The following PTPRT variants were observed in gnomAD, a reference collection of about 807,000 sequenced individuals.
PTPRT encodes protein tyrosine phosphatase receptor type T, also known as receptor-type tyrosine-protein phosphatase T.
In PTPRT, 56 loss-of-function variants were observed where a neutral mutation model predicts 176.8. The observed-to-expected ratio is 0.32, with a 90% CI of 0.26 to 0.40. The LOEUF is 0.40. Among genes scored for constraint, PTPRT ranks in the 10% least tolerant of loss-of-function variants. The probability of loss-of-function intolerance (pLI) is 1.00; values close to 1 mark genes in which losing one functional copy is unlikely to be tolerated. For synonymous variants in PTPRT, 783 were observed against 739.0 expected, an observed-to-expected ratio of 1.06 and a Z score of -0.96; for missense variants, 1,540 against 1,908.2, an observed-to-expected ratio of 0.81 and a Z score of 3.60.
intron 9 of PTPRT, among the ~76,000 whole-genome samples, chr20:42,361,952 T>G (rs2058437192): frequency 6.6e-6 from 1 of 152,228 alleles, no homozygotes; most frequent in African/African-American, 2.4e-5. Context: ...CGGCAATATT[T>G]TATTCTCTTT....
At chr20:42,428,148 C>A (rs1345466797) in intron 9 of PTPRT, among the ~76,000 whole-genome samples, 2 of 152,178 alleles carry the variant, frequency 1.3e-5, no homozygotes, top group African/African-American at 4.8e-5. Flanking sequence ...TTTGGGGAAA[C>A]ACCAACATTC....
At chr20:42,926,398 T>C (rs562623027) in intron 1 of PTPRT, among the ~76,000 whole-genome samples, 1 of 152,296 alleles carries the variant, frequency 6.6e-6, no homozygotes, top group South Asian at 2.1e-4. Context: ...AAATAATAAA[T>C]ATTTTTTTTC....
At chr20:42,239,263 T>C (rs2146872172) in intron 14 of PTPRT, among the ~76,000 whole-genome samples, 1 of 152,264 alleles carries the variant, frequency 6.6e-6, no homozygotes, top group East Asian at 1.9e-4. Flanking sequence ...ACTCATGTAT[T>C]CCTCACAGTT....
intron 2 of PTPRT, among the ~76,000 whole-genome samples, chr20:42,868,476 G>C (rs929203519): frequency 1.3e-5 from 2 of 152,212 alleles, no homozygotes; most frequent in African/African-American, 4.8e-5. Flanking sequence ...GCAAAGTGTT[G>C]AGGGTGCTAC....
intron 1 of PTPRT, among the ~76,000 whole-genome samples, chr20:43,080,186 T>C (rs1345350999): frequency 6.6e-6 from 1 of 152,198 alleles, no homozygotes; most frequent in Non-Finnish European, 1.5e-5. Context: ...GTGACATATG[T>C]CAAGTCCAAG....
chr20:42,701,789 G>A (rs1020957061), intron 6 of PTPRT, among the ~76,000 whole-genome samples: 2 of 152,020 alleles, frequency 1.3e-5, no homozygotes, highest in Admixed American at 6.5e-5. Context: ...TGCTGTCATC[G>A]TTTTCATAGT....
intron 1 of PTPRT, among the ~76,000 whole-genome samples, chr20:43,051,550 C>T (rs920598551): frequency 4.7e-5 from 7 of 148,328 alleles, no homozygotes; most frequent in African/African-American, 1.8e-4. Context: ...TAAAACTCTG[C>T]TCCAATCCAC....
intron 5 of PTPRT, among the ~76,000 whole-genome samples, chr20:42,758,997 C>G (rs568979026): frequency 1.1e-4 from 16 of 152,276 alleles, no homozygotes; most frequent in Admixed American, 7.2e-4. Context: ...TGCAATGCCC[C>G]GGAAATTCCC....
At chr20:42,197,094 T>C (rs1471308607) in intron 16 of PTPRT, among the ~76,000 whole-genome samples, 1 of 152,144 alleles carries the variant, frequency 6.6e-6, no homozygotes, top group East Asian at 1.9e-4. Context: ...TAAAAAAATG[T>C]CAAGGCTGGG....
chr20:43,106,126 G>C (rs561808108), intron 1 of PTPRT, among the ~76,000 whole-genome samples: 4 of 152,152 alleles, frequency 2.6e-5, no homozygotes, highest in African/African-American at 9.6e-5. Flanking sequence ...GGTGCAGTAG[G>C]AACAGCATGA....
chr20:42,591,414 CAG>C (rs1283382504), intron 7 of PTPRT, among the ~76,000 whole-genome samples: 1 of 152,132 alleles, frequency 6.6e-6, no homozygotes, highest in East Asian at 1.9e-4. Flanking sequence ...GGGCCTGAAA[CAG>C]AGTAGATGTT....
chr20:42,388,398 G>T (rs528309065), intron 9 of PTPRT, among the ~76,000 whole-genome samples: 18 of 152,160 alleles, frequency 1.2e-4, no homozygotes, highest in South Asian at 6.2e-4. Flanking sequence ...CTAATATCCA[G>T]AATCTACAAA....
chr20:42,986,853 A>G (rs896797466), intron 1 of PTPRT, among the ~76,000 whole-genome samples: 1 of 152,166 alleles, frequency 6.6e-6, no homozygotes, highest in African/African-American at 2.4e-5. Context: ...AGAGCTGTAC[A>G]GTGGGGGCTT....
intron 6 of PTPRT, chr20:42,688,324 A>G (rs1277985849): frequency 6.6e-6 from 1 of 152,264 alleles, no homozygotes; most frequent in Non-Finnish European, 1.5e-5. Context: ...CATGCCCCTT[A>G]CAGCTGCAGT....
At chr20:42,739,836 C>T (rs2076582264) in intron 6 of PTPRT, among the ~76,000 whole-genome samples, 1 of 152,224 alleles carries the variant, frequency 6.6e-6, no homozygotes. Flanking sequence ...TCCCTTCCTG[C>T]TCTATTACAG....
chr20:42,731,960 T>G (rs1415444523), intron 6 of PTPRT, among the ~76,000 whole-genome samples: 1 of 152,210 alleles, frequency 6.6e-6, no homozygotes, highest in Non-Finnish European at 1.5e-5. Context: ...AAGAAGCTTC[T>G]CTTGTCCACT....
intron 1 of PTPRT, among the ~76,000 whole-genome samples, chr20:43,065,933 A>G (rs1365896954): frequency 2.0e-5 from 3 of 152,206 alleles, no homozygotes; most frequent in Admixed American, 2.0e-4. Flanking sequence ...CTAGCAAGCA[A>G]GAGAACCAGG....
At chr20:42,470,682 T>C (rs1409333744) in intron 8 of PTPRT, among the ~76,000 whole-genome samples, 1 of 151,988 alleles carries the variant, frequency 6.6e-6, no homozygotes, top group Non-Finnish European at 1.5e-5. Context: ...TCCAAGTCAA[T>C]CTGGGGCAAT....
chr20:42,725,838 C>T lies in PTPRT; in HGVS notation c.859+30624G>A, dbSNP rs113619047. Among the ~76,000 whole-genome samples the T allele has an allele frequency of 7.2e-3, 1,101 of 151,866 alleles. 12 individuals carry two copies. The highest frequency in any genetic ancestry group is 0.025 in the African/African-American group (1,050 of 41,462). ...CTGGGTATATACCCAAATTAATATACATCATTCTATTACAAAGATACATGC... is the reference window on the plus strand; with the variant it reads ...CTGGGTATATACCCAAATTAATATATATCATTCTATTACAAAGATACATGC... On this transcript the variant is annotated intron_variant, in intron 6 of 30. Coordinates refer to ENST00000373187, the MANE Select transcript of PTPRT (RefSeq NM_007050.6).
Sources: gnomAD v4.1 joint callset for allele counts (sites outside exome capture counted in the v4.1 genomes callset) on GRCh38, gnomAD v4.1.1 for gene constraint, MANE v1.5 for transcripts, NCBI Gene and HGNC (gene_info 2026-07-23, HGNC 2026-07-21) for gene names.